CFAP43: variants seen among roughly 807,000 people sequenced by gnomAD.
CFAP43 encodes the protein cilia and flagella associated protein 43, also known as cilia- and flagella-associated protein 43.
In CFAP43, 155 loss-of-function variants were observed where a neutral mutation model predicts 218.9. That is an observed-to-expected ratio of 0.71 (90% CI 0.62 to 0.81). The LOEUF is 0.81. Among genes scored for constraint, CFAP43 ranks in the 30% least tolerant of loss-of-function variants. The pLI, the probability that CFAP43 is intolerant of heterozygous loss-of-function variation, is 0.00. For missense variants in CFAP43, 1,778 were observed against 1,954.3 expected (o/e 0.91, Z 1.70); for synonymous variants, 645 against 681.3 (o/e 0.95, Z 0.83).
At chr10:104,218,080 G>T (rs2091066137) in intron 3 of CFAP43, among the ~76,000 whole-genome samples, 1 of 152,016 alleles carries the variant, frequency 6.6e-6, no homozygotes, top group African/African-American at 2.4e-5. Context: ...CGGGCGCAGT[G>T]GCTCACGCCT....
chr10:104,203,475 C>T, intron 8 of CFAP43, 197 bp downstream of exon 8: 1 of 479,714 alleles, frequency 2.1e-6, no homozygotes, highest in Non-Finnish European at 3.5e-6. Context: ...CTTGCCCTTT[C>T]AGTTACATGC....
At chr10:104,197,146 A>C (rs2090403211) in intron 9 of CFAP43, among the ~76,000 whole-genome samples, 1 of 152,202 alleles carries the variant, frequency 6.6e-6, no homozygotes, top group African/African-American at 2.4e-5. Context: ...TACATAACTA[A>C]TTAGTATTAG....
intron 34 of CFAP43, among the ~76,000 whole-genome samples, chr10:104,138,610 G>A (rs1396673941): frequency 6.6e-6 from 1 of 152,006 alleles, no homozygotes; most frequent in African/African-American, 2.4e-5. Context: ...AGAAGGTGGA[G>A]GTTGCAGTGA....
At chr10:104,230,170 TA>T (rs11286238) in intron 2 of CFAP43, among the ~76,000 whole-genome samples, 18,195 of 146,980 alleles carry the variant, frequency 0.12, 2,158 homozygotes, top group African/African-American at 0.32. Flanking sequence ...AAATGTATAT[TA>T]AAAAAAAAAA....
intron 27 of CFAP43, among the ~76,000 whole-genome samples, chr10:104,154,224 A>T (rs2088423585): frequency 6.6e-6 from 1 of 152,182 alleles, no homozygotes; most frequent in African/African-American, 2.4e-5. Context: ...GATAATTCTT[A>T]TTTAAATTAA....
chr10:104,193,708 G>A, intron 11 of CFAP43, 158 bp downstream of exon 11: 1 of 1,016,384 alleles, frequency 9.8e-7, no homozygotes, highest in South Asian at 1.8e-5. Context: ...TTACTACACA[G>A]CCCTCTGTAC....
At chr10:104,200,917 TA>T (rs931169442) in intron 8 of CFAP43, among the ~76,000 whole-genome samples, 6 of 152,136 alleles carry the variant, frequency 3.9e-5, no homozygotes, top group African/African-American at 7.2e-5. Context: ...GAAGGGCCTT[TA>T]AAAACATAGT....
At chr10:104,147,170 C>T (rs1230581836) in intron 29 of CFAP43, among the ~76,000 whole-genome samples, 2 of 150,658 alleles carry the variant, frequency 1.3e-5, no homozygotes, top group East Asian at 3.9e-4. Context: ...GGCATGCTAC[C>T]CAGACTCTCT....
At chr10:104,199,671 TA>T (rs2090474168) in intron 8 of CFAP43, among the ~76,000 whole-genome samples, 1 of 152,238 alleles carries the variant, frequency 6.6e-6, no homozygotes, top group Non-Finnish European at 1.5e-5. Flanking sequence ...GGTGAAATTT[TA>T]AAGTGCATGT....
In CFAP43 at chr10:104,130,153, G is replaced by T; in HGVS notation, c.4984C>A (p.Leu1662Ile). 1 of 1,592,526 alleles carries T rather than the reference G, an allele frequency of 6.3e-7. No individual in the cohort carries two copies. The highest frequency in any genetic ancestry group is 8.5e-7 in the Non-Finnish European group (1 of 1,172,044). ...TGCCAGCGTTTTTACATTTGAACAA[G>T]AGCAGGAAATGTTTTCATTCTTAAT... ...ERLRMKTFPALVQM is the reference protein window; with the variant it reads ...ERLRMKTFPAIVQM Residue 1662 changes from leucine to isoleucine, a missense_variant, in exon 38 of 38, where the codon CTT (leucine) becomes ATT (isoleucine). By Grantham distance (5) the Leu-to-Ile change is conservative. Coordinates refer to ENST00000357060, the MANE Select transcript of CFAP43 (RefSeq NM_025145.7).
Position 104,130,104 on chromosome 10 carries a change from G to T in CFAP43, c.*35C>A. 2 of 1,537,576 alleles carry T rather than the reference G, an allele frequency of 1.3e-6. No individual in the cohort carries two copies. Among genetic ancestry groups the T allele is most frequent in the Middle Eastern group, 1.8e-4 (1 of 5,448 alleles). On this transcript the variant is annotated 3_prime_UTR_variant, in exon 38 of 38. Coordinates refer to ENST00000357060, the MANE Select transcript of CFAP43 (RefSeq NM_025145.7). The stretch of plus-strand genomic sequence containing the variant: ...ACCCAAATGAAATGATTTTTTAAAT[G>T]ATTGATTTGGCCTTGTGTTTTCCTG...
At chr10:104,169,630 G>T (rs2089324122) in intron 20 of CFAP43, among the ~76,000 whole-genome samples, 1 of 151,126 alleles carries the variant, frequency 6.6e-6, no homozygotes, top group Non-Finnish European at 1.5e-5. Context: ...TCATTTTGTT[G>T]GCAGAATTAT....
In CFAP43 at chr10:104,194,030, C is replaced by T. The variant is rs766105940; in HGVS notation, c.1294-16G>A. On this transcript the variant is annotated splice_polypyrimidine_tract_variant and intron_variant, in intron 10 of 37. Transcript: ENST00000357060. ...GAACCGTTGCCTGTTTAAAATAAAC[C>T]CCAGATGCGTATCTCTATTGTGCCT... The T allele has an allele frequency of 8.1e-6, 13 of 1,610,940 alleles. No individual in the cohort carries two copies. In the African/African-American group the frequency reaches 1.6e-4, roughly 20 times the overall value.
At position 104,230,581 on chromosome 10, in the gene CFAP43, C is replaced by G; in HGVS notation, c.319+9G>C. ...CAATTATGGGCAGAGGAAGGGTTCT[C>G]TAGAATACCTTTCAATTTGGTCCTT... On this transcript the variant is annotated intron_variant, in intron 2 of 37. Coordinates refer to ENST00000357060, the MANE Select transcript of CFAP43 (RefSeq NM_025145.7). 6.2e-7 allele frequency: 1 copy of G among 1,613,410 alleles called. No homozygotes were observed. The highest frequency in any genetic ancestry group is 1.1e-5 in the South Asian group (1 of 90,868).
At chr10:104,131,281 T>C (rs761228716) in intron 37 of CFAP43, 50 bp downstream of exon 37, 1 of 1,575,978 alleles carries the variant, frequency 6.3e-7, no homozygotes, top group Non-Finnish European at 8.6e-7. Context: ...GGATTACTGA[T>C]TACTTTTAAA....
At chr10:104,176,840 T>C (rs2089647883) in intron 19 of CFAP43, among the ~76,000 whole-genome samples, 1 of 152,196 alleles carries the variant, frequency 6.6e-6, no homozygotes, top group Non-Finnish European at 1.5e-5. Flanking sequence ...CTCATCACTG[T>C]GCCACTATGT....
intron 31 of CFAP43, among the ~76,000 whole-genome samples, chr10:104,144,010 A>G (rs1040884541): frequency 6.6e-6 from 1 of 152,184 alleles, no homozygotes; most frequent in Non-Finnish European, 1.5e-5. Flanking sequence ...CACCTGGCCA[A>G]TTCTGTTTTT....
rs775674203 is a variant in CFAP43 at position 104,172,374 on chromosome 10, A to G, written c.2586+36T>C. ...CTATTATCTTTTTACTTCTTTCATC[A>G]TAACTTTATGGTGCTTAAATTATAC... On this transcript the variant is annotated intron_variant, in intron 20 of 37. Transcript: ENST00000357060. 14 of 1,585,184 alleles carry G rather than the reference A, an allele frequency of 8.8e-6. No homozygotes were observed. The Admixed American group carries it at 1.2e-4, about 13-fold the overall frequency.
chr10:104,191,951 T>C lies in CFAP43; in HGVS notation c.1546+248A>G, dbSNP rs1314983934. Among the ~76,000 whole-genome samples, 4 of 152,180 alleles carry C rather than the reference T, an allele frequency of 2.6e-5. No homozygotes were observed. The East Asian group carries it at 5.8e-4, about 22-fold the overall frequency. On this transcript the variant is annotated intron_variant, in intron 12 of 37. Transcript: ENST00000357060. ...AATGTTCAGCCATTTCATTAATGTATTTAATAATTGATTCAAGAAAATTTA... is the reference window on the plus strand; with the variant it reads ...AATGTTCAGCCATTTCATTAATGTACTTAATAATTGATTCAAGAAAATTTA...
Sources: allele counts gnomAD v4.1 joint callset (sites outside exome capture counted in the v4.1 genomes callset), GRCh38; gene constraint gnomAD v4.1.1; transcripts MANE v1.5; gene names NCBI Gene and HGNC (gene_info 2026-07-23, HGNC 2026-07-21).